The following CHL1 variants were observed in gnomAD, a reference collection of about 807,000 sequenced individuals.
CHL1 encodes cell adhesion molecule L1 like, also known as neural cell adhesion molecule L1-like protein.
Under a neutral mutation model 141.9 loss-of-function variants are expected in CHL1, and 96 were observed. That is an observed-to-expected ratio of 0.68 (90% CI 0.57 to 0.80). The LOEUF (loss-of-function observed/expected upper bound fraction) is 0.80, where lower values mean the gene tolerates loss of function less well. Among genes scored for constraint, CHL1 ranks in the 30% least tolerant of loss-of-function variants. The pLI, the probability that CHL1 is intolerant of heterozygous loss-of-function variation, is 0.00. For synonymous variants in CHL1, 613 were observed against 502.2 expected (o/e 1.22, Z -2.95); for missense variants, 1,820 against 1,457.2 (o/e 1.25, Z -4.05).
chr3:351,327 A>G (rs77107000), intron 10 of CHL1, among the ~76,000 whole-genome samples: 54 of 152,326 alleles, frequency 3.5e-4, no homozygotes, highest in Non-Finnish European at 5.4e-4. Flanking sequence ...TGATGTTTTT[A>G]TGAAGAACTT....
chr3:314,351 A>G (rs1256555968), intron 2 of CHL1, among the ~76,000 whole-genome samples: 2,406 of 110,880 alleles, frequency 0.022, 150 homozygotes, highest in African/African-American at 0.079. Context: ...ATATATATAT[A>G]TATATATATA....
chr3:395,494 G>A (rs555226501), intron 24 of CHL1, among the ~76,000 whole-genome samples: 1 of 152,246 alleles, frequency 6.6e-6, no homozygotes, highest in East Asian at 1.9e-4. Flanking sequence ...TTTTAGTGAG[G>A]TTCTTGCTAA....
chr3:293,178 C>A (rs552029613), intron 2 of CHL1, among the ~76,000 whole-genome samples: 1 of 152,084 alleles, frequency 6.6e-6, no homozygotes, highest in Non-Finnish European at 1.5e-5. Flanking sequence ...TGCATTCATT[C>A]AAATTTAGAA....
In CHL1 at chr3:402,632, A is replaced by G. The variant is rs573891500; in HGVS notation, c.3458+934A>G. ...TGGATTCATTACTCTAGCAAGGGATATGGAGTATTTTCATTAGCTAATTGG... is the reference window on the plus strand; with the variant it reads ...TGGATTCATTACTCTAGCAAGGGATGTGGAGTATTTTCATTAGCTAATTGG... On this transcript the variant is annotated intron_variant, in intron 27 of 27. Transcript: ENST00000256509. 2.2e-4 allele frequency among the ~76,000 whole-genome samples: 34 copies of G among 152,334 alleles called. No individual in the cohort carries two copies. The South Asian group carries it at 5.4e-3, about 24-fold the overall frequency.
At chr3:307,455 TTCTAGCTGCAGGATTCAGC>T in intron 2 of CHL1, among the ~76,000 whole-genome samples, 1 of 152,306 alleles carries the variant, frequency 6.6e-6, no homozygotes, top group South Asian at 2.1e-4. Flanking sequence ...TGAGATAATA[TTCTAGCTGCAGGATTCAGC>T]TACATTTTCG....
In CHL1 at chr3:389,252, C is replaced by A; in HGVS notation, c.2248C>A (p.Pro750Thr). ...AAATGAGTCTTGCCTTCTGTTTTAG[C>A]CTTTGAAATCCATGGAGCAGAATGG... ...QPKEMIIKWEPLKSMEQNGPG... is the reference protein window; with the variant it reads ...QPKEMIIKWETLKSMEQNGPG... The change falls in exon 20 of 28, where the codon CCT (proline) becomes ACT (threonine). Residue 750 changes from proline to threonine, a missense_variant and splice_region_variant. Pro to Thr is a conservative substitution (Grantham distance 38). Coordinates refer to ENST00000256509, the MANE Select transcript of CHL1 (RefSeq NM_006614.4). 1 of 1,598,374 alleles carries A rather than the reference C, an allele frequency of 6.3e-7. No homozygotes were observed. The highest frequency in any genetic ancestry group is 1.3e-5 in the African/African-American group (1 of 74,772).
At chr3:281,986 T>A (rs932110174) in intron 2 of CHL1, among the ~76,000 whole-genome samples, 2 of 152,264 alleles carry the variant, frequency 1.3e-5, no homozygotes, top group Non-Finnish European at 2.9e-5. Context: ...TTTTTGTTAG[T>A]GTTTAATTCA....
Position 405,662 on chromosome 3 carries a change from C to T in CHL1, c.3626C>T (p.Ser1209Phe), listed in dbSNP as rs1006938467. ...GAYAGSKEKG[S>F]VESNGSSTAT... is the part of the protein sequence containing the mutation. The stretch of plus-strand genomic sequence containing the variant: ...TACGCTGGATCTAAGGAGAAGGGAT[C>T]TGTTGAAAGCAATGGAAGTTCTACA... The change falls in exon 28 of 28, where the codon TCT becomes TTT. Residue 1209 changes from serine (S) to phenylalanine (F), a missense_variant. Ser to Phe is a radical substitution (Grantham distance 155). Transcript: ENST00000256509. 6.2e-7 allele frequency: 1 copy of T among 1,613,400 alleles called. No individual in the cohort carries two copies. Among genetic ancestry groups the T allele is most frequent in the African/African-American group, 1.3e-5 (1 of 74,866 alleles).
intron 15 of CHL1, among the ~76,000 whole-genome samples, chr3:371,026 T>C (rs957196879): frequency 2.0e-5 from 3 of 152,186 alleles, no homozygotes; most frequent in Non-Finnish European, 4.4e-5. Flanking sequence ...CTTCAAATTA[T>C]GTGGTGGGTT....
At chr3:405,323 C>T (rs1307578864) in intron 27 of CHL1, among the ~76,000 whole-genome samples, 172 bp from the exon 28 acceptor site, 1 of 152,132 alleles carries the variant, frequency 6.6e-6, no homozygotes. Flanking sequence ...TTACAGACTT[C>T]GTAAACTTGG....
chr3:259,565 G>A (rs1389168957), intron 2 of CHL1, among the ~76,000 whole-genome samples: 1 of 152,026 alleles, frequency 6.6e-6, no homozygotes, highest in African/African-American at 2.4e-5. Context: ...GGCCTTTCCT[G>A]TATGTCCCAT....
At chr3:276,889 C>T (rs533994461) in intron 2 of CHL1, among the ~76,000 whole-genome samples, 14 of 93,042 alleles carry the variant, frequency 1.5e-4, no homozygotes, top group Admixed American at 4.6e-4. Flanking sequence ...ACTCCGTCTC[C>T]TAAAAAAAAA....
chr3:225,208 A>G (rs538715508), intron 1 of CHL1, among the ~76,000 whole-genome samples: 1 of 152,330 alleles, frequency 6.6e-6, no homozygotes, highest in Non-Finnish European at 1.5e-5. Context: ...TATTCATTCA[A>G]CATATAATTA....
At position 382,608 on chromosome 3, in the gene CHL1, G is replaced by C; in HGVS notation, c.2113G>C (p.Val705Leu). ...GAGATACCAGTTCAGGGTCATAGCCGTGAACGAAGTAGGGAGAAGTCAGCC... is the reference window on the plus strand; with the variant it reads ...GAGATACCAGTTCAGGGTCATAGCCCTGAACGAAGTAGGGAGAAGTCAGCC... ...FVRYQFRVIA[V>L]NEVGRSQPSQ... Residue 705 changes from valine to leucine, a missense_variant, in exon 18 of 28, where the codon GTG (valine) becomes CTG (leucine). Transcript: ENST00000256509. 1 of 1,613,810 alleles carries C rather than the reference G, an allele frequency of 6.2e-7. No individual in the cohort carries two copies. The highest frequency in any genetic ancestry group is 8.5e-7 in the Non-Finnish European group (1 of 1,179,830).
intron 11 of CHL1, among the ~76,000 whole-genome samples, chr3:357,156 G>T (rs1393109854): frequency 6.6e-6 from 1 of 152,204 alleles, no homozygotes; most frequent in African/African-American, 2.4e-5. Flanking sequence ...TCAAACCAAA[G>T]CCAGGTGGCT....
intron 2 of CHL1, among the ~76,000 whole-genome samples, chr3:312,436 T>C (rs1699829853): frequency 6.6e-6 from 1 of 152,234 alleles, no homozygotes; most frequent in Non-Finnish European, 1.5e-5. Flanking sequence ...TTACTGTGTT[T>C]ATGACACTTG....
chr3:273,096 G>A (rs1364499467), intron 2 of CHL1, among the ~76,000 whole-genome samples: 1 of 152,216 alleles, frequency 6.6e-6, no homozygotes, highest in Non-Finnish European at 1.5e-5. Context: ...CAGGTGGAGG[G>A]TAGAGCAGGT....
chr3:318,853 A>G (rs1700332652), intron 2 of CHL1, among the ~76,000 whole-genome samples: 1 of 151,670 alleles, frequency 6.6e-6, no homozygotes, highest in Non-Finnish European at 1.5e-5. Flanking sequence ...CTCAAATGGG[A>G]ATAGATATCT....
At chr3:345,605 T>TC (rs1190115634) in intron 9 of CHL1, among the ~76,000 whole-genome samples, 5 of 152,108 alleles carry the variant, frequency 3.3e-5, no homozygotes, top group Non-Finnish European at 7.4e-5. Context: ...TGCCTCAGCC[T>TC]CCTGAGTAGC....
Sources: allele counts gnomAD v4.1 joint callset (sites outside exome capture counted in the v4.1 genomes callset), GRCh38; gene constraint gnomAD v4.1.1; transcripts MANE v1.5; gene names NCBI Gene and HGNC (gene_info 2026-07-23, HGNC 2026-07-21).